The following BRINP3 variants were observed in gnomAD, a reference collection of about 807,000 sequenced individuals.
The protein encoded by BRINP3 is BMP/retinoic acid inducible neural specific 3, also known as BMP/retinoic acid-inducible neural-specific protein 3.
BRINP3 carries 19 observed loss-of-function variants against 71.0 expected under a neutral mutation model. That is an observed-to-expected ratio of 0.27 (90% confidence interval 0.19 to 0.39). The LOEUF is 0.39. Among genes scored for constraint, BRINP3 ranks in the 10% least tolerant of loss-of-function variants. The pLI is 1.00. For synonymous variants in BRINP3, 380 were observed against 337.7 expected (o/e 1.13, Z -1.37); for missense variants, 959 against 940.8 (o/e 1.02, Z -0.25).
At chr1:190,230,517 A>G (rs1048446780) in intron 5 of BRINP3, among the ~76,000 whole-genome samples, 2 of 151,910 alleles carry the variant, frequency 1.3e-5, no homozygotes, top group Admixed American at 6.6e-5. Context: ...TATTATTAAT[A>G]TGCATATTTT....
chr1:190,327,593 A>G (rs192644869), intron 2 of BRINP3, among the ~76,000 whole-genome samples: 18 of 152,158 alleles, frequency 1.2e-4, no homozygotes, highest in Admixed American at 1.1e-3. Context: ...TCAATTTAAC[A>G]ATTAGAATTT....
rs1487342925 is a variant in BRINP3, at chr1:190,454,910, A to G, written c.-20T>C. ...TATCATGCTTCCACTGGGGATTTAG[A>G]GCCTTCATTCTCTCAGCTTTCCCTC... On this transcript the variant is annotated 5_prime_UTR_variant, in exon 2 of 8. Transcript: ENST00000367462. The G allele has an allele frequency of 4.4e-6, 7 of 1,598,550 alleles. No homozygotes were observed. Among genetic ancestry groups the G allele is most frequent in the Non-Finnish European group, 6.0e-6 (7 of 1,166,586 alleles).
intron 7 of BRINP3, among the ~76,000 whole-genome samples, chr1:190,117,376 T>A (rs1653235270): frequency 6.6e-6 from 1 of 152,028 alleles, no homozygotes; most frequent in South Asian, 2.1e-4. Flanking sequence ...ATATTCAATC[T>A]TCATTATTTT....
intron 1 of BRINP3, among the ~76,000 whole-genome samples, chr1:190,457,172 T>C (rs902447189): frequency 1.3e-5 from 2 of 152,096 alleles, no homozygotes; most frequent in African/African-American, 2.4e-5. Flanking sequence ...CCAGGCACGG[T>C]AGCTCACGCC....
intron 2 of BRINP3, among the ~76,000 whole-genome samples, chr1:190,412,523 T>C (rs1171047): frequency 0.75 from 105,092 of 139,754 alleles, 39,754 homozygotes; most frequent in Non-Finnish European, 0.79. Context: ...AGTGCAGTGG[T>C]GGGATCTCGG....
chr1:190,194,578 G>A (rs908800900), intron 6 of BRINP3, among the ~76,000 whole-genome samples: 41 of 152,026 alleles, frequency 2.7e-4, no homozygotes, highest in African/African-American at 8.4e-4. Context: ...TTTTCAAAAC[G>A]AAAAGCAGTA....
intron 2 of BRINP3, among the ~76,000 whole-genome samples, chr1:190,335,295 T>C (rs1667215377): frequency 6.6e-6 from 1 of 151,862 alleles, no homozygotes; most frequent in Non-Finnish European, 1.5e-5. Context: ...ATTTCTTCAG[T>C]CACTTACCCG....
intron 2 of BRINP3, among the ~76,000 whole-genome samples, chr1:190,354,714 G>A (rs1389781662): frequency 1.3e-5 from 2 of 149,978 alleles, no homozygotes; most frequent in Admixed American, 6.7e-5. Context: ...ATACACTGCA[G>A]ATCTGGCCAT....
At chr1:190,192,740 G>A (rs1654152077) in intron 6 of BRINP3, among the ~76,000 whole-genome samples, 1 of 151,928 alleles carries the variant, frequency 6.6e-6, no homozygotes, top group Non-Finnish European at 1.5e-5. Context: ...GTGACAACAG[G>A]ATAAATACAT....
At chr1:190,386,039 C>T (rs1294960961) in intron 2 of BRINP3, among the ~76,000 whole-genome samples, 1 of 137,808 alleles carries the variant, frequency 7.3e-6, no homozygotes, top group Non-Finnish European at 1.5e-5. Flanking sequence ...AATGAGATCA[C>T]ATGGACACAG....
At chr1:190,167,938 T>C (rs1390589959) in intron 6 of BRINP3, among the ~76,000 whole-genome samples, 1 of 152,130 alleles carries the variant, frequency 6.6e-6, no homozygotes, top group African/African-American at 2.4e-5. Context: ...GAGTGCTGTA[T>C]TGGCATTTGT....
At chr1:190,407,179 T>C (rs766468038) in intron 2 of BRINP3, among the ~76,000 whole-genome samples, 2 of 152,198 alleles carry the variant, frequency 1.3e-5, no homozygotes, top group African/African-American at 2.4e-5. Context: ...TTAGTAGAAA[T>C]AGTAGTATAA....
At chr1:190,394,462 C>CA (rs1032835098) in intron 2 of BRINP3, among the ~76,000 whole-genome samples, 3 of 150,998 alleles carry the variant, frequency 2.0e-5, no homozygotes, top group African/African-American at 7.3e-5. Flanking sequence ...GCACATATGC[C>CA]AAAAAAGGAA....
At chr1:190,277,291 C>A (rs1385480226) in intron 3 of BRINP3, among the ~76,000 whole-genome samples, 1 of 150,552 alleles carries the variant, frequency 6.6e-6, no homozygotes, top group Admixed American at 6.7e-5. Flanking sequence ...TCTTACTCTT[C>A]CTCCTTTTGT....
intron 6 of BRINP3, among the ~76,000 whole-genome samples, chr1:190,198,090 C>A (rs1360519732): frequency 6.6e-6 from 1 of 152,020 alleles, no homozygotes; most frequent in Non-Finnish European, 1.5e-5. Context: ...AAGCTACCAA[C>A]CCTCTGAAGG....
At chr1:190,130,126 C>G (rs748199798) in intron 7 of BRINP3, among the ~76,000 whole-genome samples, 15 of 152,100 alleles carry the variant, frequency 9.9e-5, no homozygotes, top group Admixed American at 3.3e-4. Flanking sequence ...TGTTTCTTAT[C>G]TCTCTAGTTT....
intron 3 of BRINP3, among the ~76,000 whole-genome samples, chr1:190,273,606 C>A (rs546199280): frequency 2.0e-5 from 3 of 151,482 alleles, no homozygotes; most frequent in Non-Finnish European, 4.4e-5. Context: ...TAATGTTATA[C>A]CATGGCTGGC....
chr1:190,465,187 G>T (rs2102680421), intron 1 of BRINP3, among the ~76,000 whole-genome samples: 1 of 152,012 alleles, frequency 6.6e-6, no homozygotes, highest in African/African-American at 2.4e-5. Flanking sequence ...GATCATATAA[G>T]AAAATATCAT....
chr1:190,261,390 A>C (rs984886158), intron 4 of BRINP3, among the ~76,000 whole-genome samples: 1 of 150,766 alleles, frequency 6.6e-6, no homozygotes, highest in African/African-American at 2.4e-5. Context: ...GAGTATAGCA[A>C]TTAATTAAGC....
Sources: allele counts gnomAD v4.1 joint callset (sites outside exome capture counted in the v4.1 genomes callset), GRCh38; gene constraint gnomAD v4.1.1; transcripts MANE v1.5; gene names NCBI Gene and HGNC (gene_info 2026-07-23, HGNC 2026-07-21).